CIMIP2C: variants seen among roughly 807,000 people sequenced by gnomAD.
CIMIP2C encodes the protein ciliary microtubule inner protein 2C, also known as UPF0573 protein C2orf70.
the CIMIP2C span, chr2:26,577,569 A>C: frequency 3.8e-5 from 61 of 1,614,028 alleles, no homozygotes; most frequent in Non-Finnish European, 4.7e-5. Flanking sequence ...CAGTGCCTCG[A>C]GTCCCCTACT....
At chr2:26,575,946 C>T in the CIMIP2C span, 1 of 1,613,910 alleles carries the variant, frequency 6.2e-7, no homozygotes, top group Non-Finnish European at 8.5e-7. Flanking sequence ...TTTGGCGCTC[C>T]CTACGGCACC....
chr2:26,577,300 G>T, the CIMIP2C span, among the ~76,000 whole-genome samples: 1 of 152,178 alleles, frequency 6.6e-6, no homozygotes, highest in Non-Finnish European at 1.5e-5. Flanking sequence ...GGTGGGTGTC[G>T]TTATTCCCAT....
At chr2:26,576,202 C>A in the CIMIP2C span, 2 of 1,593,580 alleles carry the variant, frequency 1.3e-6, no homozygotes, top group Non-Finnish European at 1.7e-6. Context: ...TGCCCTGTGG[C>A]CTCCCCTCCT....
At chr2:26,570,582 G>A in the CIMIP2C span, among the ~76,000 whole-genome samples, 4 of 152,192 alleles carry the variant, frequency 2.6e-5, no homozygotes, top group African/African-American at 9.7e-5. Context: ...GGTAGCAGAG[G>A]GCACTGGATC....
chr2:26,576,552 A>C, the CIMIP2C span, among the ~76,000 whole-genome samples: 1 of 152,116 alleles, frequency 6.6e-6, no homozygotes, highest in East Asian at 1.9e-4. Flanking sequence ...AAGGTCTAAG[A>C]TCCACCCACC....
the CIMIP2C span, among the ~76,000 whole-genome samples, chr2:26,572,656 G>A: frequency 6.6e-6 from 1 of 152,210 alleles, no homozygotes; most frequent in African/African-American, 2.4e-5. Flanking sequence ...GAGAAAGAAG[G>A]TGAAAGAGGA....
At chr2:26,576,064 C>A in the CIMIP2C span, 1 of 1,614,258 alleles carries the variant, frequency 6.2e-7, no homozygotes, top group Non-Finnish European at 8.5e-7. Context: ...CCAACCCCAA[C>A]CTCCTGCTGA....
chr2:26,574,475 G>A, the CIMIP2C span, among the ~76,000 whole-genome samples: 1 of 151,942 alleles, frequency 6.6e-6, no homozygotes, highest in Non-Finnish European at 1.5e-5. Flanking sequence ...GGACCAGACT[G>A]TCAGGGAAGG....
chr2:26,577,513 T>C, the CIMIP2C span: 8 of 1,613,162 alleles, frequency 5.0e-6, no homozygotes, highest in South Asian at 1.1e-5. Context: ...GATTGAACCA[T>C]AGATGGTCCA....
At chr2:26,571,427 T>A in the CIMIP2C span, among the ~76,000 whole-genome samples, 1 of 152,268 alleles carries the variant, frequency 6.6e-6, no homozygotes, top group East Asian at 1.9e-4. Flanking sequence ...TTGGAGCTGG[T>A]TGTACCCAGG....
At chr2:26,567,918 C>T in the CIMIP2C span, among the ~76,000 whole-genome samples, 1 of 152,268 alleles carries the variant, frequency 6.6e-6, no homozygotes, top group South Asian at 2.1e-4. Context: ...ATTTCTATGG[C>T]CCCTTGCATT....
the CIMIP2C span, chr2:26,578,718 G>T: frequency 4.3e-6 from 2 of 470,512 alleles, no homozygotes; most frequent in African/African-American, 4.0e-5. Context: ...GCCAGGATCT[G>T]CCCCCCATCC....
the CIMIP2C span, among the ~76,000 whole-genome samples, chr2:26,565,279 C>T: frequency 2.4e-4 from 36 of 152,106 alleles, no homozygotes; most frequent in African/African-American, 6.0e-4. Context: ...TTAGTACAGG[C>T]GGGGTTTTGC....
the CIMIP2C span, chr2:26,575,883 C>A: frequency 6.2e-7 from 1 of 1,608,792 alleles, no homozygotes; most frequent in Non-Finnish European, 8.5e-7. Context: ...GGCTCCACCA[C>A]CCCCACCGTG....
chr2:26,577,568 G>T, the CIMIP2C span: 6 of 1,614,092 alleles, frequency 3.7e-6, no homozygotes, highest in Non-Finnish European at 5.1e-6. Context: ...ACAGTGCCTC[G>T]AGTCCCCTAC....
chr2:26,575,688 G>A, the CIMIP2C span, among the ~76,000 whole-genome samples: 2 of 151,976 alleles, frequency 1.3e-5, no homozygotes, highest in Non-Finnish European at 1.5e-5. Context: ...TTTCTTAATT[G>A]TTATTATGTT....
chr2:26,575,856 GC>G, the CIMIP2C span: 3 of 1,593,172 alleles, frequency 1.9e-6, no homozygotes, highest in Non-Finnish European at 2.6e-6. Flanking sequence ...CAGGCCTGGG[GC>G]CCTTCACTGA....
chr2:26,576,798 G>A, the CIMIP2C span, among the ~76,000 whole-genome samples: 2 of 152,342 alleles, frequency 1.3e-5, no homozygotes, highest in African/African-American at 4.8e-5. Flanking sequence ...TGTTCAGGCT[G>A]GTAAAGCCTC....
At chr2:26,568,234 C>T in the CIMIP2C span, among the ~76,000 whole-genome samples, 62 of 152,352 alleles carry the variant, frequency 4.1e-4, no homozygotes, top group African/African-American at 7.2e-4. Context: ...TCTCTATCCC[C>T]CCAGGAGGCA....
Sources: gnomAD v4.1 joint callset for allele counts (sites outside exome capture counted in the v4.1 genomes callset) on GRCh38, gnomAD v4.1.1 for gene constraint, MANE v1.5 for transcripts, NCBI Gene and HGNC (gene_info 2026-07-23, HGNC 2026-07-21) for gene names.